LY75: variants seen among roughly 807,000 people sequenced by gnomAD.
LY75 encodes the protein C-type lectin domain family 13 member B.
LY75 carries 185 observed loss-of-function variants against 231.7 expected under a neutral mutation model. The observed-to-expected ratio is 0.80, with a 90% CI of 0.71 to 0.90. LY75 has a LOEUF of 0.90. Ranked by LOEUF, LY75 falls within the 40% of genes least tolerant of loss-of-function variation. The pLI, the probability that LY75 is intolerant of heterozygous loss-of-function variation, is 0.00. For synonymous variants in LY75, 668 were observed against 689.0 expected, an observed-to-expected ratio of 0.97 and a Z score of 0.48; for missense variants, 1,947 against 2,050.2, an observed-to-expected ratio of 0.95 and a Z score of 0.97.
At chr2:159,899,127 A>G in intron 1 of LY75, 68 bp from the exon 2 acceptor site, 2 of 1,559,460 alleles carry the variant, frequency 1.3e-6, no homozygotes, top group Non-Finnish European at 1.7e-6. Flanking sequence ...CCTGCTGAGG[A>G]GAGTCTGAGC....
chr2:159,898,077 GA>G (rs1685952183), intron 2 of LY75, among the ~76,000 whole-genome samples: 1 of 152,022 alleles, frequency 6.6e-6, no homozygotes, highest in Non-Finnish European at 1.5e-5. Flanking sequence ...CCGTAGGCAA[GA>G]AAAAATATAT....
chr2:159,822,979 A>G (rs1560066966), intron 28 of LY75, among the ~76,000 whole-genome samples: 1 of 152,192 alleles, frequency 6.6e-6, no homozygotes, highest in Non-Finnish European at 1.5e-5. Context: ...ATAAATCCAC[A>G]AAGATGGGGA....
chr2:159,808,596 A>G, intron 32 of LY75, 25 bp from the exon 33 acceptor site: 1 of 1,611,120 alleles, frequency 6.2e-7, no homozygotes, highest in Non-Finnish European at 8.5e-7. Context: ...CACATTCTCA[A>G]TTAGCTTTAT....
At chr2:159,813,754 A>C (rs1683035849) in intron 31 of LY75, 1 of 152,196 alleles carries the variant, frequency 6.6e-6, no homozygotes, top group South Asian at 2.1e-4. Flanking sequence ...GTCACATTCT[A>C]AGGTTCTGAC....
intron 28 of LY75, among the ~76,000 whole-genome samples, chr2:159,825,067 C>CA (rs2125836725): frequency 6.6e-6 from 1 of 152,178 alleles, no homozygotes; most frequent in East Asian, 1.9e-4. Flanking sequence ...CAACAGCAAA[C>CA]AAATTCAAAA....
chr2:159,899,255 G>A (rs1275964191), intron 1 of LY75, among the ~76,000 whole-genome samples, 196 bp from the exon 2 acceptor site: 1 of 152,170 alleles, frequency 6.6e-6, no homozygotes, highest in Non-Finnish European at 1.5e-5. Context: ...CAGAACACGG[G>A]CTCTGGAGCC....
rs529737709 is a variant in LY75 at position 159,835,432 on chromosome 2, A to T, written c.3673+48T>A. On this transcript the variant is annotated intron_variant, in intron 26 of 34. Coordinates refer to ENST00000263636, the MANE Select transcript of LY75 (RefSeq NM_002349.4). The stretch of plus-strand genomic sequence containing the variant: ...CCACTCCTCAGAAATTCTACCACTT[A>T]TGGGACTGTTAATAATTTAAGAATT... 11 of 1,530,510 alleles carry T rather than the reference A, an allele frequency of 7.2e-6. No homozygotes were observed. In the Admixed American group the frequency reaches 1.8e-4, roughly 25 times the overall value. The allele number at this position is 1,530,510 out of a possible 1,614,324, so 94.8% of individuals were successfully genotyped here.
rs1318267489 is a variant in LY75 at position 159,816,822 on chromosome 2, C to A, written c.4364G>T (p.Gly1455Val). ...AAGACTTACATCATGACTTGAGAGC[C>A]CAACCCATAGTGGAAATCCATCACG... Reference protein sequence around the residue: ...VKRDGFPLWVGLSSHDGSESS... With the variant: ...VKRDGFPLWVVLSSHDGSESS... The change falls in exon 30 of 35, where the codon GGG becomes GTG. Residue 1455 changes from glycine to valine, a missense_variant. Physicochemically the swap from Gly to Val is moderately radical, Grantham distance 109. Coordinates refer to ENST00000263636, the MANE Select transcript of LY75 (RefSeq NM_002349.4). 2.5e-6 allele frequency: 4 copies of A among 1,613,998 alleles called. No homozygotes were observed. Among genetic ancestry groups the A allele is most frequent in the Admixed American group, 3.3e-5 (2 of 60,014 alleles).
In LY75 at chr2:159,817,003, G is replaced by A; in HGVS notation, c.4183C>T (p.Leu1395=). 1 of 1,613,724 alleles carries A rather than the reference G, an allele frequency of 6.2e-7. No homozygotes were observed. Among genetic ancestry groups the A allele is most frequent in the Non-Finnish European group, 8.5e-7 (1 of 1,179,794 alleles). ...VDYKEEYNTT[L]PQFMPYEDGI... ...TCTTCATATGGCATAAACTGTGGCA[G>A]TGTAGTATTATATTCTTCTTTGTAG... is the stretch of plus-strand genomic sequence containing the variant. The change falls in exon 30 of 35, where the codon CTG becomes TTG. Residue 1395 remains leucine (L), a synonymous_variant. Transcript: ENST00000263636.
At position 159,803,961 on chromosome 2, in the gene LY75, C is replaced by T. The variant is rs1682726481; in HGVS notation, c.*1083G>A. On this transcript the variant is annotated 3_prime_UTR_variant, in exon 35 of 35. Coordinates refer to ENST00000263636, the MANE Select transcript of LY75 (RefSeq NM_002349.4). ...ATTGTAAAATTATCAGTCTTAAATA[C>T]CTAGTTGATTCTCTTTACAAAAGAA... The T allele has an allele frequency of 6.6e-6, 1 of 152,146 alleles. No homozygotes were observed. The highest frequency in any genetic ancestry group is 1.5e-5 in the Non-Finnish European group (1 of 68,038). The allele number at this position is 152,146 out of a possible 1,614,324, so 9.4% of individuals were successfully genotyped here. A position where few individuals can be genotyped will look rare whatever the true frequency, so the allele number is the denominator to read the frequency against.
At chr2:159,839,417 T>C (rs763780080) in intron 25 of LY75, among the ~76,000 whole-genome samples, 1 of 152,196 alleles carries the variant, frequency 6.6e-6, no homozygotes, top group Non-Finnish European at 1.5e-5. Flanking sequence ...GTGCAGAGGT[T>C]AGTGATGCGA....
intron 3 of LY75, 37 bp downstream of exon 3, chr2:159,893,877 C>T (rs768844976): frequency 7.7e-6 from 12 of 1,568,340 alleles, no homozygotes; most frequent in African/African-American, 2.7e-5. Flanking sequence ...TATAAATGTA[C>T]TACCTTTCCA....
Position 159,898,844 on chromosome 2 carries a change from C to G in LY75, c.310G>C (p.Ala104Pro). 2 of 1,614,216 alleles carry G rather than the reference C, an allele frequency of 1.2e-6. No homozygotes were observed. Among genetic ancestry groups the G allele is most frequent in the Non-Finnish European group, 1.7e-6 (2 of 1,180,016 alleles). ...TGCTCACATTTCCACCACAGCATGG[C>G]ACTGGAGTCACAGCTGAACATTCTC... Reference protein sequence around the residue: ...ELRMFSCDSSAMLWWKCEHHS... With the variant: ...ELRMFSCDSSPMLWWKCEHHS... The change falls in exon 2 of 35, where the codon GCC (alanine) becomes CCC (proline). Residue 104 changes from alanine to proline, a missense_variant. Coordinates refer to ENST00000263636, the MANE Select transcript of LY75 (RefSeq NM_002349.4).
At chr2:159,904,392 GC>G (rs1308778692) in intron 1 of LY75, among the ~76,000 whole-genome samples, 196 bp downstream of exon 1, 4 of 152,208 alleles carry the variant, frequency 2.6e-5, no homozygotes, top group Admixed American at 1.3e-4. Flanking sequence ...CCTCCTCCGG[GC>G]CCCCGAGGGC....
chr2:159,890,014 A>T lies in LY75; in HGVS notation c.802+199T>A, dbSNP rs189518695. ...GAACATCAATCTCTCTTTAGTTTCC[A>T]TCACAAGATACATTTCTCAATGGTG... On this transcript the variant is annotated intron_variant, in intron 4 of 34. Transcript: ENST00000263636. Among the ~76,000 whole-genome samples the T allele has an allele frequency of 1.1e-4, 16 of 152,320 alleles. No individual in the cohort carries two copies. In the East Asian group the frequency reaches 2.9e-3, roughly 28 times the overall value.
intron 28 of LY75, among the ~76,000 whole-genome samples, chr2:159,831,207 A>G (rs1180442816): frequency 6.6e-6 from 1 of 152,092 alleles, no homozygotes; most frequent in Non-Finnish European, 1.5e-5. Flanking sequence ...TTCTCGTGAT[A>G]GTGAGTGAGT....
chr2:159,835,449 T>C (rs1683789031), intron 26 of LY75, 31 bp downstream of exon 26: 1 of 1,563,262 alleles, frequency 6.4e-7, no homozygotes, highest in African/African-American at 1.4e-5. Context: ...TGTTAATAAT[T>C]TAAGAATTAA....
At chr2:159,806,861 T>A (rs1260899510) in intron 34 of LY75, 112 bp downstream of exon 34, 23 of 1,316,544 alleles carry the variant, frequency 1.7e-5, no homozygotes, top group Admixed American at 5.4e-5. Flanking sequence ...TGGATATACT[T>A]TAAGGACTAA....
At chr2:159,810,723 C>T in intron 31 of LY75, 48 bp from the exon 32 acceptor site, 1 of 1,595,058 alleles carries the variant, frequency 6.3e-7, no homozygotes, top group Non-Finnish European at 8.5e-7. Flanking sequence ...AAAAAAAAGA[C>T]TGCCTTTCAA....
Sources: allele counts gnomAD v4.1 joint callset (sites outside exome capture counted in the v4.1 genomes callset), GRCh38; gene constraint gnomAD v4.1.1; transcripts MANE v1.5; gene names NCBI Gene and HGNC (gene_info 2026-07-23, HGNC 2026-07-21).